Variants in SYNE1 observed in about 807,000 individuals in gnomAD.
SYNE1 encodes spectrin repeat containing nuclear envelope protein 1.
Under a neutral mutation model 1,111.0 loss-of-function variants are expected in SYNE1, and 616 were observed. The ratio of observed to expected loss-of-function variants is 0.55; its 90% CI spans 0.52 to 0.59. The LOEUF is 0.59. Ranked by LOEUF, SYNE1 falls within the 20% of genes least tolerant of loss-of-function variation. The pLI is 0.00. For synonymous variants in SYNE1, 3,855 were observed against 3,825.8 expected, an observed-to-expected ratio of 1.01 and a Z score of -0.28; for missense variants, 10,006 against 10,417.0, an observed-to-expected ratio of 0.96 and a Z score of 1.72.
Position 152,133,654 on chromosome 6 carries a change from T to A in SYNE1, c.25789-166A>T, listed in dbSNP as rs115499289. 3,503 of 694,522 alleles carry A rather than the reference T, an allele frequency of 5.0e-3. 93 individuals carry two copies. The African/African-American group carries it at 0.057, about 11-fold the overall frequency. 43.0% of individuals were successfully genotyped at this position (694,522 alleles called of 1,614,324 possible). A position where few individuals can be genotyped will look rare whatever the true frequency, so the allele number is the denominator to read the frequency against. ...CAGCAGCTCACGGCCTGAGTTCTAA[T>A]CCTGCCTCTGCCAAAAATATTCTAT... is the stretch of plus-strand genomic sequence containing the variant. On this transcript the variant is annotated intron_variant, in intron 142 of 145. Transcript: ENST00000367255.
At chr6:152,321,534 T>G in intron 83 of SYNE1, 144 bp from the exon 84 acceptor site, 1 of 1,272,772 alleles carries the variant, frequency 7.9e-7, no homozygotes, top group Non-Finnish European at 1.1e-6. Context: ...TGTCTCTGAA[T>G]ATAAAGTATG....
Position 152,202,215 on chromosome 6 carries a change from C to A in SYNE1, c.23020-266G>T, listed in dbSNP as rs139545755. Among the ~76,000 whole-genome samples the A allele has an allele frequency of 0.015, 2,329 of 151,938 alleles. 35 individuals carry two copies. The highest frequency in any genetic ancestry group is 0.021 in the Non-Finnish European group (1,441 of 67,936). On this transcript the variant is annotated intron_variant, in intron 126 of 145. Coordinates refer to ENST00000367255, the MANE Select transcript of SYNE1 (RefSeq NM_182961.4). ...CACAAAAATTAGCCAGGCATGGTGG[C>A]AGGCTCCTATAATCCCAGCTACTCA...
chr6:152,427,494 TCTC>T (rs2098378466), intron 38 of SYNE1, 196 bp downstream of exon 38: 4 of 635,862 alleles, frequency 6.3e-6, no homozygotes, highest in Non-Finnish European at 1.1e-5. Flanking sequence ...ATCACAAAGT[TCTC>T]ATTGTTAGTT....
intron 45 of SYNE1, among the ~76,000 whole-genome samples, chr6:152,405,500 T>G (rs77018781): frequency 8.2e-4 from 125 of 152,340 alleles, no homozygotes; most frequent in African/African-American, 2.9e-3. Context: ...GTAACAGTAG[T>G]GATATGTAGA....
intron 58 of SYNE1, 143 bp downstream of exon 58, chr6:152,376,238 C>A: frequency 1.3e-6 from 1 of 787,388 alleles, no homozygotes; most frequent in Non-Finnish European, 2.1e-6. Context: ...TGGCCTGCTG[C>A]TCACCTCCTG....
At chr6:152,165,609 T>A (rs1394039467) in intron 130 of SYNE1, among the ~76,000 whole-genome samples, 1 of 152,228 alleles carries the variant, frequency 6.6e-6, no homozygotes, top group Non-Finnish European at 1.5e-5. Context: ...TATATTCTTT[T>A]GGTAGAAAAT....
intron 3 of SYNE1, among the ~76,000 whole-genome samples, chr6:152,601,209 A>G (rs1030812321): frequency 1.8e-4 from 27 of 152,354 alleles, no homozygotes; most frequent in African/African-American, 6.3e-4. Context: ...ACAGTGAGTC[A>G]AGTCAAATGC....
At chr6:152,416,298 A>G in intron 41 of SYNE1, 89 bp downstream of exon 41, 1 of 1,569,910 alleles carries the variant, frequency 6.4e-7, no homozygotes, top group Non-Finnish European at 8.7e-7. Context: ...ATTTTCCTTG[A>G]ACAGTACTAA....
intron 3 of SYNE1, among the ~76,000 whole-genome samples, chr6:152,583,525 A>G (rs1214012271): frequency 1.3e-5 from 2 of 152,214 alleles, no homozygotes; most frequent in Non-Finnish European, 2.9e-5. Flanking sequence ...TATTACAACA[A>G]TTCCAATGTG....
chr6:152,160,321 T>C (rs2062204746), intron 131 of SYNE1, among the ~76,000 whole-genome samples: 1 of 152,186 alleles, frequency 6.6e-6, no homozygotes, highest in Non-Finnish European at 1.5e-5. Context: ...ATTGAACTAA[T>C]AAAACTCCTT....
intron 87 of SYNE1, chr6:152,311,195 C>G: frequency 2.8e-6 from 1 of 355,034 alleles, no homozygotes; most frequent in Non-Finnish European, 5.3e-6. Flanking sequence ...CAGTGAAAAA[C>G]CCAAACATAC....
chr6:152,419,817 G>T, intron 39 of SYNE1, 95 bp from the exon 40 acceptor site: 1 of 1,332,310 alleles, frequency 7.5e-7, no homozygotes, highest in Non-Finnish European at 1.1e-6. Flanking sequence ...AAGGGCAAAA[G>T]CAATGTTGTC....
chr6:152,277,788 T>C, intron 98 of SYNE1: 1 of 457,916 alleles, frequency 2.2e-6, no homozygotes, highest in Non-Finnish European at 4.1e-6. Context: ...ACTCCTGGAG[T>C]AGCCTTTACT....
intron 2 of SYNE1, among the ~76,000 whole-genome samples, chr6:152,631,409 A>G (rs1342566314): frequency 6.6e-6 from 1 of 152,198 alleles, no homozygotes; most frequent in Non-Finnish European, 1.5e-5. Flanking sequence ...TGGTGTCCAG[A>G]TGGCGCAGGG....
Position 152,373,207 on chromosome 6 carries a change from C to G in SYNE1, c.9337G>C (p.Glu3113Gln), listed in dbSNP as rs2154097171. The G allele has an allele frequency of 2.5e-6, 4 of 1,611,418 alleles. No homozygotes were observed. The highest frequency in any genetic ancestry group is 3.4e-6 in the Non-Finnish European group (4 of 1,179,628). Reference protein sequence around the residue: ...SLQKIQEFLSESENGQHKLNM... With the variant: ...SLQKIQEFLSQSENGQHKLNM... ...AGCTTGTGCTGTCCATTTTCACTTT[C>G]TGACAAAAACTCCTATAAAAGAAAA... Residue 3113 changes from glutamate to glutamine, a missense_variant, in exon 59 of 146, where the codon GAA becomes CAA. Glu to Gln is a conservative substitution (Grantham distance 29). This residue lies in a region of SYNE1 where 4,955 missense variants were observed against 5,017.2 expected (regional missense o/e 0.99). Coordinates refer to ENST00000367255, the MANE Select transcript of SYNE1 (RefSeq NM_182961.4).
Position 152,334,187 on chromosome 6 carries a change from C to G in SYNE1, c.12615G>C (p.Ser4205=). The G allele has an allele frequency of 6.2e-7, 1 of 1,614,120 alleles. No individual in the cohort carries two copies. Among genetic ancestry groups the G allele is most frequent in the South Asian group, 1.1e-5 (1 of 91,076 alleles). ...AATGATTTATTTCCTTGTGTTCAGG[C>G]GATTCCTCCTTCTTTGTTAACTTAT... ...KVNKLTKKEE[S]PEHKEINHLN... Residue 4205 remains serine, a synonymous_variant, in exon 77 of 146, where the codon TCG becomes TCC. Coordinates refer to ENST00000367255, the MANE Select transcript of SYNE1 (RefSeq NM_182961.4).
chr6:152,396,463 T>G (rs1203442148), intron 50 of SYNE1, among the ~76,000 whole-genome samples: 1 of 152,176 alleles, frequency 6.6e-6, no homozygotes, highest in African/African-American at 2.4e-5. Flanking sequence ...GGAAAAACCT[T>G]GTATAATCTA....
At position 152,367,222 on chromosome 6, in the gene SYNE1, A is replaced by C. The variant is rs2097097866; in HGVS notation, c.9968T>G (p.Leu3323Arg). ...TTTCTGTGTAAAGATGCACACCTCG[A>C]GCTTGAGCGTCCTGCTGTCCAGCAC... ...KSVLDSRTLK[L>R]EALLSVKQEK... Residue 3323 changes from leucine to arginine, a missense_variant, in exon 62 of 146, where the codon CTC becomes CGC. Physicochemically the swap from Leu to Arg is moderately radical, Grantham distance 102 (BLOSUM62 -2). This residue lies in a region of SYNE1 where 4,955 missense variants were observed against 5,017.2 expected (regional missense o/e 0.99). Coordinates refer to ENST00000367255, the MANE Select transcript of SYNE1 (RefSeq NM_182961.4). The C allele has an allele frequency of 6.2e-7, 1 of 1,614,210 alleles. No homozygotes were observed. Among genetic ancestry groups the C allele is most frequent in the Non-Finnish European group, 8.5e-7 (1 of 1,180,046 alleles).
chr6:152,567,443 C>T (rs937425024), intron 3 of SYNE1, among the ~76,000 whole-genome samples: 2 of 152,054 alleles, frequency 1.3e-5, no homozygotes, highest in African/African-American at 4.8e-5. Flanking sequence ...TAGTAAAGAT[C>T]GTAATTAGCC....
Sources: gnomAD v4.1 joint callset for allele counts (sites outside exome capture counted in the v4.1 genomes callset) on GRCh38, gnomAD v4.1.1 for gene constraint, gnomAD v4.1.1 regional missense constraint, MANE v1.5 for transcripts, NCBI Gene and HGNC (gene_info 2026-07-23, HGNC 2026-07-21) for gene names.